The following NEB variants were observed in gnomAD, a reference collection of about 807,000 sequenced individuals.
NEB encodes the protein nemaline myopathy type 2.
In NEB, 512 loss-of-function variants were observed where a neutral mutation model predicts 952.2. That is an observed-to-expected ratio of 0.54 (90% CI 0.50 to 0.58). The LOEUF is 0.58. NEB is among the 20% of genes least tolerant of loss of function. The probability of loss-of-function intolerance (pLI) is 0.00; values close to 1 mark genes in which losing one functional copy is unlikely to be tolerated. For synonymous variants in NEB, 2,900 were observed against 3,149.8 expected, an observed-to-expected ratio of 0.92 and a Z score of 2.66; for missense variants, 8,428 against 9,231.1, an observed-to-expected ratio of 0.91 and a Z score of 3.56.
intron 114 of NEB, among the ~76,000 whole-genome samples, chr2:151,566,170 G>T (rs2096379351): frequency 6.6e-6 from 1 of 152,186 alleles, no homozygotes; most frequent in African/African-American, 2.4e-5. Context: ...CAAGGAGGTT[G>T]TACTTTTAGA....
chr2:151,611,512 C>T (rs1443189738), intron 78 of NEB, among the ~76,000 whole-genome samples: 3 of 152,142 alleles, frequency 2.0e-5, no homozygotes, highest in Non-Finnish European at 2.9e-5. Flanking sequence ...CATATTTGTA[C>T]TGAGCACTCA....
At chr2:151,493,204 G>T in intron 176 of NEB, 149 bp downstream of exon 176, 1 of 624,392 alleles carries the variant, frequency 1.6e-6, no homozygotes, top group Non-Finnish European at 2.8e-6. Context: ...AATTTTTATG[G>T]TGTTAAAACG....
Position 151,658,222 on chromosome 2 carries a change from C to T in NEB, c.6076-132G>A, listed in dbSNP as rs959762532. 27 of 620,490 alleles carry T rather than the reference C, an allele frequency of 4.4e-5. No homozygotes were observed. In the African/African-American group the frequency reaches 4.5e-4, roughly 10 times the overall value. The allele number at this position is 620,490 out of a possible 1,614,324, so 38.4% of individuals were successfully genotyped here. A position where few individuals can be genotyped will look rare whatever the true frequency, so the allele number is the denominator to read the frequency against. ...GAATGCTTCGTTGGTGCTTCAGTGG[C>T]TGAATGTTCTTACAAGTAACATAAC... On this transcript the variant is annotated intron_variant, in intron 47 of 181. Transcript: ENST00000397345.
chr2:151,687,300 T>C, intron 27 of NEB, 119 bp downstream of exon 27: 1 of 844,620 alleles, frequency 1.2e-6, no homozygotes, highest in Non-Finnish European at 1.9e-6. Context: ...ACAGCAGTAC[T>C]TTTGTGAATG....
chr2:151,493,631 T>TG (rs1432337562), intron 175 of NEB, 144 bp downstream of exon 175: 97 of 747,004 alleles, frequency 1.3e-4, no homozygotes, highest in Non-Finnish European at 1.2e-4. Context: ...CCTCGTGGGG[T>TG]TGGTTTGTTG....
chr2:151,560,942 C>G, intron 123 of NEB, 62 bp downstream of exon 123: 4 of 1,034,110 alleles, frequency 3.9e-6, no homozygotes, highest in Non-Finnish European at 5.7e-6. Context: ...CATTTATTCT[C>G]TTACTGTCCC....
In NEB at chr2:151,567,329, T is replaced by G. The variant is rs761489500; in HGVS notation, c.17995A>C (p.Lys5999Gln). The stretch of plus-strand genomic sequence containing the variant: ...ACCATATCAGCAGGTATATTGATTT[T>G]GGCCTTTGTTTTGTGATAGTCCTCT... ...YKEDYHKTKA[K>Q]INIPADMVSV... The change falls in exon 114 of 182, where the codon AAA becomes CAA. Residue 5999 changes from lysine to glutamine, a missense_variant. Lys to Gln is a moderately conservative substitution (Grantham distance 53). Around this residue, in one of 11 missense-constraint regions of NEB, gnomAD observed 3,374 missense variants for 3,651.5 expected, o/e 0.92. Transcript: ENST00000397345. 5 of 1,613,960 alleles carry G rather than the reference T, an allele frequency of 3.1e-6. No homozygotes were observed. The highest frequency in any genetic ancestry group is 4.2e-6 in the Non-Finnish European group (5 of 1,179,860).
Position 151,531,847 on chromosome 2 carries a change from A to G in NEB, c.21467T>C (p.Ile7156Thr). 1 of 1,612,904 alleles carries G rather than the reference A, an allele frequency of 6.2e-7. No homozygotes were observed. Among genetic ancestry groups the G allele is most frequent in the Non-Finnish European group, 8.5e-7 (1 of 1,179,372 alleles). Residue 7156 changes from isoleucine (I) to threonine (T), a missense_variant, in exon 144 of 182, where the codon ATT becomes ACT. By Grantham distance (89) the Ile-to-Thr change is moderately conservative. Coordinates refer to ENST00000397345, the MANE Select transcript of NEB (RefSeq NM_001164508.2). ...YEKSKDKFTS[I>T]VDTPEHLRTT... Reference sequence around the variant, plus strand: ...ACGCAGGTGTTCTGGAGTATCCACAATTGAGGTAAATTTGTCCTTTGATTT... The same window carrying G: ...ACGCAGGTGTTCTGGAGTATCCACAGTTGAGGTAAATTTGTCCTTTGATTT...
intron 105 of NEB, among the ~76,000 whole-genome samples, chr2:151,577,963 T>C (rs1193203388): frequency 6.6e-6 from 1 of 152,230 alleles, no homozygotes; most frequent in Non-Finnish European, 1.5e-5. Flanking sequence ...GTTTAATAAG[T>C]ATTTTTAAAA....
At chr2:151,610,947 T>TAATGA in intron 78 of NEB, 81 bp from the exon 79 acceptor site, 2 of 848,750 alleles carry the variant, frequency 2.4e-6, no homozygotes, top group Non-Finnish European at 3.6e-6. Context: ...ATCATTACAG[T>TAATGA]TGTTAGCAAA....
In NEB at chr2:151,514,329, T is replaced by G. The variant is rs752473638; in HGVS notation, c.23116A>C (p.Ile7706Leu). ...AGCTGTGGGCCTACCTCATTGAGGA[T>G]TTGAGTGGCATTCTTTGCTCTTAGC... Reference protein sequence around the residue: ...DMLRAKNATQILNEKEYKRDL... With the variant: ...DMLRAKNATQLLNEKEYKRDL... Residue 7706 changes from isoleucine (I) to leucine (L), a missense_variant, in exon 159 of 182, where the codon ATC (isoleucine) becomes CTC (leucine). Physicochemically the swap from Ile to Leu is conservative, Grantham distance 5. Coordinates refer to ENST00000397345, the MANE Select transcript of NEB (RefSeq NM_001164508.2). The G allele has an allele frequency of 6.2e-7, 1 of 1,610,888 alleles. No homozygotes were observed. The highest frequency in any genetic ancestry group is 1.1e-5 in the South Asian group (1 of 91,026).
Position 151,579,337 on chromosome 2 carries a change from C to T in NEB, c.16704+1G>A, listed in dbSNP as rs1227806763. 6 of 1,349,416 alleles carry T rather than the reference C, an allele frequency of 4.4e-6. No individual in the cohort carries two copies. The highest frequency in any genetic ancestry group is 1.4e-5 in the African/African-American group (1 of 71,508). 83.6% of individuals were successfully genotyped at this position (1,349,416 alleles called of 1,614,324 possible). Reference sequence around the variant, plus strand: ...ACTTGTTTCCTGGGCGACACACTTACGTCGCTCTGTAGGTCGTAGGCTTTC... The same window carrying T: ...ACTTGTTTCCTGGGCGACACACTTATGTCGCTCTGTAGGTCGTAGGCTTTC... On this transcript the variant is annotated splice_donor_variant, in intron 105 of 181. Coordinates refer to ENST00000397345, the MANE Select transcript of NEB (RefSeq NM_001164508.2). LOFTEE classifies it high-confidence loss of function.
chr2:151,495,989 G>A (rs1574919364), intron 173 of NEB, among the ~76,000 whole-genome samples: 1 of 152,136 alleles, frequency 6.6e-6, no homozygotes, highest in Non-Finnish European at 1.5e-5. Context: ...CTAAAACAAA[G>A]AGACCTTGGG....
At position 151,610,013 on chromosome 2, in the gene NEB, T is replaced by G; in HGVS notation, c.12126A>C (p.Gln4042His). The change falls in exon 81 of 182, where the codon CAA (glutamine) becomes CAC (histidine). Residue 4042 changes from glutamine to histidine, a missense_variant. Around this residue, in one of 11 missense-constraint regions of NEB, gnomAD observed 337 missense variants for 297.5 expected, o/e 1.13. Coordinates refer to ENST00000397345, the MANE Select transcript of NEB (RefSeq NM_001164508.2). The part of the protein sequence containing the change: ...IMCAIHAGKI[Q>H]SEREYKKEFQ... ...ATTCCTTCTTGTACTCCCTTTCACT[T>G]TGAATTTTTCCTGCATGTATGGCAC... The G allele has an allele frequency of 1.2e-6, 2 of 1,613,934 alleles. No individual in the cohort carries two copies. Among genetic ancestry groups the G allele is most frequent in the Non-Finnish European group, 1.7e-6 (2 of 1,179,868 alleles).
At position 151,692,013 on chromosome 2, in the gene NEB, T is replaced by C. The variant is rs965539463; in HGVS notation, c.2107-45A>G. The C allele has an allele frequency of 1.9e-6, 3 of 1,604,834 alleles. No individual in the cohort carries two copies. In the African/African-American group the frequency reaches 4.0e-5, roughly 21 times the overall value. The stretch of plus-strand genomic sequence containing the variant: ...AAATAGATCATGATTGTTATGGCTC[T>C]CAAACAATGTCACTGTGAGGCATGA... On this transcript the variant is annotated intron_variant, in intron 22 of 181. Transcript: ENST00000397345.
Position 151,508,029 on chromosome 2 carries a change from C to T in NEB, c.23427G>A (p.Arg7809=), listed in dbSNP as rs1198548976. ...CAAGGCTGAAGTTCTTTTGGTTCTC[C>T]CGGACTCTCTGTATCTCTGGGGTGT... The part of the protein sequence containing the change: ...VLDTPEIQRV[R]ENQKNFSLLQ... The change falls in exon 162 of 182, where the codon CGG becomes CGA. Residue 7809 remains arginine (R), a synonymous_variant. Transcript: ENST00000397345. 3 of 1,609,628 alleles carry T rather than the reference C, an allele frequency of 1.9e-6. No homozygotes were observed. In the Admixed American group the frequency reaches 5.0e-5, roughly 27 times the overall value.
intron 130 of NEB, 114 bp from the exon 131 acceptor site, chr2:151,548,529 AT>A: frequency 1.4e-6 from 1 of 725,608 alleles, no homozygotes; most frequent in Non-Finnish European, 2.4e-6. Flanking sequence ...CTTTTTAAGG[AT>A]TAAGTATGTA....
At chr2:151,566,173 C>T (rs1199839098) in intron 114 of NEB, among the ~76,000 whole-genome samples, 2 of 152,104 alleles carry the variant, frequency 1.3e-5, no homozygotes, top group African/African-American at 4.8e-5. Flanking sequence ...GGAGGTTGTA[C>T]TTTTAGATGG....
chr2:151,705,894 G>A (rs2099703905), intron 13 of NEB, among the ~76,000 whole-genome samples: 1 of 152,188 alleles, frequency 6.6e-6, no homozygotes, highest in Non-Finnish European at 1.5e-5. Flanking sequence ...GCAGAAGAAT[G>A]ATATAATGGA....
Sources: allele counts gnomAD v4.1 joint callset (sites outside exome capture counted in the v4.1 genomes callset), GRCh38; gene constraint gnomAD v4.1.1; regional missense constraint gnomAD v4.1.1; transcripts MANE v1.5; gene names NCBI Gene and HGNC (gene_info 2026-07-23, HGNC 2026-07-21).